Variants in RAPGEF6 observed in about 807,000 individuals in gnomAD.
RAPGEF6 encodes the protein Rap guanine nucleotide exchange factor 6.
RAPGEF6 carries 56 observed loss-of-function variants against 171.4 expected under a neutral mutation model. The ratio of observed to expected loss-of-function variants is 0.33; its 90% CI spans 0.26 to 0.41. The LOEUF (loss-of-function observed/expected upper bound fraction) is 0.41. Ranked by LOEUF, RAPGEF6 falls within the 10% of genes least tolerant of loss-of-function variation. RAPGEF6 has a pLI of 1.00. For synonymous variants in RAPGEF6, 692 were observed against 650.1 expected (o/e 1.06, Z -0.98); for missense variants, 1,674 against 1,921.4 (o/e 0.87, Z 2.41).
At chr5:131,568,328 TTTTTG>T (rs1762070812) in intron 4 of RAPGEF6, among the ~76,000 whole-genome samples, 1 of 85,652 alleles carries the variant, frequency 1.2e-5, no homozygotes, top group Non-Finnish European at 2.4e-5. Context: ...TTAAATGTTA[TTTTTG>T]TTATTTTTTT....
intron 7 of RAPGEF6, among the ~76,000 whole-genome samples, chr5:131,511,916 G>C (rs889484365): frequency 6.6e-6 from 1 of 152,162 alleles, no homozygotes; most frequent in Non-Finnish European, 1.5e-5. Flanking sequence ...CTTTTCTCTA[G>C]ATTTCTGTAC....
chr5:131,566,818 T>C (rs1338882602), intron 4 of RAPGEF6, among the ~76,000 whole-genome samples: 1 of 151,934 alleles, frequency 6.6e-6, no homozygotes, highest in African/African-American at 2.4e-5. Flanking sequence ...ATCATAAATT[T>C]CCTTTGTAGG....
intron 1 of RAPGEF6, among the ~76,000 whole-genome samples, chr5:131,626,920 G>A (rs1161926794): frequency 6.6e-6 from 1 of 152,066 alleles, no homozygotes; most frequent in Non-Finnish European, 1.5e-5. Context: ...AGGAAATATA[G>A]GAAATAAAAT....
At chr5:131,603,449 G>A in intron 2 of RAPGEF6, 122 bp from the exon 3 acceptor site, 1 of 633,930 alleles carries the variant, frequency 1.6e-6, no homozygotes, top group South Asian at 2.2e-5. Flanking sequence ...CTACCAGTAT[G>A]TTGTCACTAA....
At chr5:131,429,291 A>T (rs986563398) in intron 26 of RAPGEF6, 75 bp from the exon 27 acceptor site, 5 of 1,236,212 alleles carry the variant, frequency 4.0e-6, no homozygotes, top group Non-Finnish European at 5.6e-6. Flanking sequence ...CCACAAACTT[A>T]TTACAATGAC....
At position 131,431,311 on chromosome 5, in the gene RAPGEF6, G is replaced by A. The variant is rs1751689818; in HGVS notation, c.4013C>T (p.Ala1338Val). The A allele has an allele frequency of 6.2e-7, 1 of 1,610,884 alleles. No individual in the cohort carries two copies. Among genetic ancestry groups the A allele is most frequent in the South Asian group, 1.1e-5 (1 of 91,046 alleles). The change falls in exon 26 of 28, where the codon GCT becomes GTT. Residue 1338 changes from alanine to valine, a missense_variant. Physicochemically the swap from Ala to Val is moderately conservative, Grantham distance 64. Transcript: ENST00000509018. ...TTCATTGCTCACAGACGATGAGACA[G>A]CTAAACACTTGATTAGAGATGGCTT... The part of the protein sequence containing the change: ...LLKPSLIKCL[A>V]VSSSVSNEEI...
Position 131,496,039 on chromosome 5 carries a change from C to T in RAPGEF6, c.1420-379G>A, listed in dbSNP as rs570125863. ...TGGTCAAGAACATGTTTAACCAAAA[C>T]GGTAACAAAAACAAATCTGAGTCTG... On this transcript the variant is annotated intron_variant, in intron 12 of 27. Transcript: ENST00000509018. Among the ~76,000 whole-genome samples the T allele has an allele frequency of 2.4e-4, 37 of 152,238 alleles. No individual in the cohort carries two copies. In the Middle Eastern group the frequency reaches 0.024, roughly 98 times the overall value.
intron 13 of RAPGEF6, 120 bp from the exon 14 acceptor site, chr5:131,492,905 A>C: frequency 2.2e-6 from 2 of 930,096 alleles, no homozygotes; most frequent in Admixed American, 4.9e-5. Context: ...GAGGTAAACA[A>C]AATTGAAGAA....
intron 5 of RAPGEF6, among the ~76,000 whole-genome samples, chr5:131,555,302 C>T (rs1216812979): frequency 6.6e-6 from 1 of 152,208 alleles, no homozygotes; most frequent in Admixed American, 6.5e-5. Context: ...GCTCTATAAC[C>T]ACTAGGAATG....
At chr5:131,468,400 A>C (rs1216647750) in intron 17 of RAPGEF6, among the ~76,000 whole-genome samples, 2 of 151,902 alleles carry the variant, frequency 1.3e-5, no homozygotes, top group Non-Finnish European at 2.9e-5. Context: ...AATCTTATGT[A>C]ATAGGTAAAT....
chr5:131,453,271 G>A, intron 20 of RAPGEF6, 94 bp from the exon 21 acceptor site: 3 of 1,461,306 alleles, frequency 2.1e-6, no homozygotes, highest in South Asian at 1.4e-5. Context: ...GCACAAAGAA[G>A]GACCTTCTTT....
intron 1 of RAPGEF6, among the ~76,000 whole-genome samples, chr5:131,621,149 A>G (rs182055304): frequency 6.6e-6 from 1 of 152,134 alleles, no homozygotes; most frequent in Non-Finnish European, 1.5e-5. Flanking sequence ...TTAAATTTCT[A>G]TATATAGTTG....
chr5:131,435,374 T>C (rs1036033703), intron 24 of RAPGEF6, among the ~76,000 whole-genome samples: 1 of 152,116 alleles, frequency 6.6e-6, no homozygotes, highest in Non-Finnish European at 1.5e-5. Flanking sequence ...ATAAGTAAAT[T>C]AAAAATAAAT....
intron 6 of RAPGEF6, among the ~76,000 whole-genome samples, chr5:131,538,403 T>C (rs1219615029): frequency 3.9e-5 from 6 of 152,144 alleles, no homozygotes; most frequent in African/African-American, 1.2e-4. Context: ...AGCATGTTAC[T>C]CTACTGAATA....
rs34729268 is a variant in RAPGEF6, at chr5:131,570,041, C to CAAA, written c.282-7997_282-7995dup. On this transcript the variant is annotated intron_variant, in intron 4 of 27. Transcript: ENST00000509018. ...TGCGGAGCAGAGCAAGACTCTGTCT[C>CAAA]AAAAAAAAAAAAAAAAAAAAAAAAA... is the stretch of plus-strand genomic sequence containing the variant. Among the ~76,000 whole-genome samples the CAAA allele has an allele frequency of 6.0e-3, 166 of 27,486 alleles. 49 individuals carry two copies. The highest frequency in any genetic ancestry group is 0.013 in the African/African-American group (72 of 5,396). The allele number at this position is 27,486 out of a possible 152,430, so 18.0% of individuals were successfully genotyped here.
In RAPGEF6 at chr5:131,593,865, A is replaced by T. The variant is rs1236401289; in HGVS notation, c.198-1399T>A. ...TATGCATGAACAAAGAGATTATCTG[A>T]AACTGGAACTTATATTTTAAAGGGA... On this transcript the variant is annotated intron_variant, in intron 3 of 27. Transcript: ENST00000509018. 3.9e-5 allele frequency among the ~76,000 whole-genome samples: 6 copies of T among 152,330 alleles called. No homozygotes were observed. The East Asian group carries it at 1.2e-3, about 29-fold the overall frequency.
intron 3 of RAPGEF6, among the ~76,000 whole-genome samples, chr5:131,592,797 A>G (rs1763671051): frequency 6.6e-6 from 1 of 152,234 alleles, no homozygotes; most frequent in Non-Finnish European, 1.5e-5. Flanking sequence ...AAAGCTTTAA[A>G]GCTAAGAAAG....
intron 21 of RAPGEF6, among the ~76,000 whole-genome samples, chr5:131,449,057 C>A (rs755650606): frequency 2.6e-4 from 39 of 152,134 alleles, no homozygotes; most frequent in Non-Finnish European, 4.3e-4. Flanking sequence ...ACAAAAAATT[C>A]TTCTTACATG....
Position 131,464,166 on chromosome 5 carries a change from A to T in RAPGEF6, c.2355T>A (p.Gly785=), listed in dbSNP as rs555994958. Residue 785 remains glycine, a synonymous_variant, in exon 18 of 28, where the codon GGT becomes GGA. Transcript: ENST00000509018. The part of the protein sequence containing the change: ...EVVFHAVHEF[G]LTGASDTYSL... ...AATATGTGTCGGATGCACCGGTCAAACCAAATTCATGAACAGCATGAAAAA... is the reference window on the plus strand; with the variant it reads ...AATATGTGTCGGATGCACCGGTCAATCCAAATTCATGAACAGCATGAAAAA... 2 of 1,614,038 alleles carry T rather than the reference A, an allele frequency of 1.2e-6. No homozygotes were observed. The highest frequency in any genetic ancestry group is 4.5e-5 in the East Asian group (2 of 44,832).
Sources: allele counts gnomAD v4.1 joint callset (sites outside exome capture counted in the v4.1 genomes callset), GRCh38; gene constraint gnomAD v4.1.1; transcripts MANE v1.5; gene names NCBI Gene and HGNC (gene_info 2026-07-23, HGNC 2026-07-21).